CD109: variants seen among roughly 807,000 people sequenced by gnomAD.
CD109 encodes the protein CD109 antigen.
In CD109, 149 loss-of-function variants were observed where a neutral mutation model predicts 165.8. That is an observed-to-expected ratio of 0.90 (90% CI 0.79 to 1.03). CD109 has a LOEUF of 1.03. Among genes scored for constraint, CD109 ranks in the 50% least tolerant of loss-of-function variants. CD109 has a pLI of 0.00. For synonymous variants in CD109, 585 were observed against 592.1 expected (o/e 0.99, Z 0.18); for missense variants, 1,712 against 1,677.8 (o/e 1.02, Z -0.36).
intron 22 of CD109, among the ~76,000 whole-genome samples, chr6:73,789,620 A>AT (rs58908406): frequency 2.0e-3 from 290 of 148,014 alleles, no homozygotes; most frequent in Admixed American, 2.8e-3. Context: ...TGCCTGGCTA[A>AT]TTTTTTTTTT....
At chr6:73,753,584 C>T (rs1020570047) in intron 5 of CD109, among the ~76,000 whole-genome samples, 1 of 152,204 alleles carries the variant, frequency 6.6e-6, no homozygotes, top group Admixed American at 6.5e-5. Context: ...AGAAAGCATA[C>T]TGTCAGCACC....
chr6:73,826,278 GTAA>G lies in CD109; in HGVS notation c.*2651_*2653del, dbSNP rs1776274739. ...AAATTATTTTCTTCACATGCTATGA[GTAA>G]TAATATTAAAAAACTCATTTTACCA... is the stretch of plus-strand genomic sequence containing the variant. On this transcript the variant is annotated 3_prime_UTR_variant, in exon 33 of 33. Coordinates refer to ENST00000287097, the MANE Select transcript of CD109 (RefSeq NM_133493.5). 1 of 152,188 alleles carries G rather than the reference GTAA, an allele frequency of 6.6e-6. No homozygotes were observed. Among genetic ancestry groups the G allele is most frequent in the African/African-American group, 2.4e-5 (1 of 41,440 alleles). 9.4% of individuals were successfully genotyped at this position (152,188 alleles called of 1,614,324 possible). A position where few individuals can be genotyped will look rare whatever the true frequency, so the allele number is the denominator to read the frequency against.
intron 23 of CD109, 86 bp from the exon 24 acceptor site, chr6:73,803,134 T>C: frequency 1.1e-6 from 1 of 885,504 alleles, no homozygotes; most frequent in Non-Finnish European, 1.9e-6. Context: ...TCTGCCCATA[T>C]TTCCTCAATA....
At chr6:73,767,575 A>G (rs2150231053) in intron 13 of CD109, among the ~76,000 whole-genome samples, 1 of 152,302 alleles carries the variant, frequency 6.6e-6, no homozygotes, top group South Asian at 2.1e-4. Context: ...TAACATTGCA[A>G]TCAAATAAAA....
chr6:73,742,876 GT>G (rs1772844861), intron 5 of CD109, among the ~76,000 whole-genome samples: 1 of 152,218 alleles, frequency 6.6e-6, no homozygotes, highest in South Asian at 2.1e-4. Context: ...GGAGCTAGGA[GT>G]TTGAATTTTA....
At chr6:73,733,078 G>C (rs1276895440) in intron 4 of CD109, among the ~76,000 whole-genome samples, 2 of 152,208 alleles carry the variant, frequency 1.3e-5, no homozygotes, top group Non-Finnish European at 2.9e-5. Context: ...CAGAGGCCAG[G>C]TGGGAGCAGT....
intron 24 of CD109, 74 bp downstream of exon 24, chr6:73,803,375 T>C: frequency 9.6e-7 from 1 of 1,037,556 alleles, no homozygotes; most frequent in Non-Finnish European, 1.5e-6. Context: ...GCCACGAAAT[T>C]GACAGATATA....
chr6:73,707,679 A>G (rs1351101227), intron 2 of CD109, among the ~76,000 whole-genome samples: 2 of 152,106 alleles, frequency 1.3e-5, no homozygotes, highest in Non-Finnish European at 2.9e-5. Flanking sequence ...AGCACTTGAA[A>G]TGTGGCTCAT....
chr6:73,705,673 A>G (rs1771242630), intron 2 of CD109, among the ~76,000 whole-genome samples: 3 of 151,616 alleles, frequency 2.0e-5, no homozygotes, highest in Admixed American at 6.6e-5. Context: ...GACAACGAGC[A>G]ATCAGAGAAG....
chr6:73,802,289 G>GTGTATATA (rs71542231), intron 23 of CD109, among the ~76,000 whole-genome samples: 78 of 78,194 alleles, frequency 1.0e-3, no homozygotes, highest in African/African-American at 4.2e-3. Flanking sequence ...GTGTGTGTGT[G>GTGTATATA]TATATATATA....
At chr6:73,701,936 C>G (rs1771097745) in intron 2 of CD109, among the ~76,000 whole-genome samples, 1 of 152,056 alleles carries the variant, frequency 6.6e-6, no homozygotes, top group Admixed American at 6.6e-5. Context: ...CAAAAGAACC[C>G]TTAAAACCAA....
chr6:73,755,446 C>T (rs1773354648), intron 5 of CD109, among the ~76,000 whole-genome samples: 2 of 152,060 alleles, frequency 1.3e-5, no homozygotes, highest in South Asian at 2.1e-4. Context: ...TGAACTATGG[C>T]CTTCTTTTAG....
rs1771356959 is a variant in CD109, at chr6:73,707,987, T to G, written c.247+10415T>G. Among the ~76,000 whole-genome samples, 2 of 70,002 alleles carry G rather than the reference T, an allele frequency of 2.9e-5. 1 individual carries two copies. Among genetic ancestry groups the G allele is most frequent in the African/African-American group, 9.8e-5 (2 of 20,362 alleles). 45.9% of individuals were successfully genotyped at this position (70,002 alleles called of 152,430 possible). ...TTATATATATATATATATATATATA[T>G]ATATATATATATATATATATATTTA... On this transcript the variant is annotated intron_variant, in intron 2 of 32. Transcript: ENST00000287097.
chr6:73,786,356 A>C (rs1421440401), intron 20 of CD109, among the ~76,000 whole-genome samples: 1 of 152,138 alleles, frequency 6.6e-6, no homozygotes, highest in Non-Finnish European at 1.5e-5. Context: ...AAATGACATG[A>C]TATCTTTAGG....
intron 2 of CD109, among the ~76,000 whole-genome samples, chr6:73,721,832 G>A (rs1562029739): frequency 6.6e-6 from 1 of 152,092 alleles, no homozygotes; most frequent in Non-Finnish European, 1.5e-5. Flanking sequence ...CACCTCCTGG[G>A]TTCAAGCAAT....
Position 73,766,990 on chromosome 6 carries a change from T to A in CD109, c.1477T>A (p.Leu493Met). 13 of 1,613,598 alleles carry A rather than the reference T, an allele frequency of 8.1e-6. No homozygotes were observed. Among genetic ancestry groups the A allele is most frequent in the Non-Finnish European group, 1.0e-5 (12 of 1,179,678 alleles). Residue 493 changes from leucine to methionine, a missense_variant, in exon 13 of 33, where the codon TTG becomes ATG. Leu to Met is a conservative substitution (Grantham distance 15). Coordinates refer to ENST00000287097, the MANE Select transcript of CD109 (RefSeq NM_133493.5). ...FELVVSGNKR[L>M]KELSYMVVSR... ...GTTGGTGGTTAGTGGCAACAAACGA[T>A]TGAAGGAGTTAAGCTATATGGTAAT... is the stretch of plus-strand genomic sequence containing the variant.
At chr6:73,791,602 A>G (rs1774973593) in intron 22 of CD109, among the ~76,000 whole-genome samples, 1 of 152,082 alleles carries the variant, frequency 6.6e-6, no homozygotes, top group African/African-American at 2.4e-5. Context: ...GCTTGATGTA[A>G]AGAACGGATT....
At chr6:73,700,633 A>C (rs960157345) in intron 2 of CD109, among the ~76,000 whole-genome samples, 1 of 152,112 alleles carries the variant, frequency 6.6e-6, no homozygotes, top group Admixed American at 6.6e-5. Context: ...AAGGTGAAAA[A>C]GTATGGCATT....
intron 13 of CD109, 67 bp downstream of exon 13, chr6:73,767,077 C>A: frequency 7.2e-7 from 1 of 1,398,384 alleles, no homozygotes; most frequent in Non-Finnish European, 1.0e-6. Context: ...CTTTTAAGTT[C>A]TGGGGTACAT....
Sources: allele counts gnomAD v4.1 joint callset (sites outside exome capture counted in the v4.1 genomes callset), GRCh38; gene constraint gnomAD v4.1.1; transcripts MANE v1.5; gene names NCBI Gene and HGNC (gene_info 2026-07-23, HGNC 2026-07-21).